AGBL1: variants seen among roughly 807,000 people sequenced by gnomAD.
The protein encoded by AGBL1 is cytosolic carboxypeptidase 4.
AGBL1 carries 130 observed loss-of-function variants against 118.9 expected under a neutral mutation model. The observed-to-expected ratio is 1.09, with a 90% CI of 0.95 to 1.26. The LOEUF (loss-of-function observed/expected upper bound fraction) is 1.26. Among genes scored for constraint, AGBL1 ranks in the 50% most tolerant of loss-of-function variants. AGBL1 has a pLI of 0.00. For synonymous variants in AGBL1, 555 were observed against 478.9 expected, an observed-to-expected ratio of 1.16 and a Z score of -2.08; for missense variants, 1,584 against 1,298.1, an observed-to-expected ratio of 1.22 and a Z score of -3.38.
At chr15:86,969,244 C>T (rs1596687913) in intron 23 of AGBL1, among the ~76,000 whole-genome samples, 1 of 151,922 alleles carries the variant, frequency 6.6e-6, no homozygotes, top group African/African-American at 2.4e-5. Flanking sequence ...CAGCTGTGGG[C>T]CAGTGAAATC....
At chr15:86,167,888 A>G (rs2077364008) in intron 5 of AGBL1, among the ~76,000 whole-genome samples, 1 of 152,234 alleles carries the variant, frequency 6.6e-6, no homozygotes, top group South Asian at 2.1e-4. Flanking sequence ...CTATGTGATC[A>G]TTAGTCATCT....
intron 10 of AGBL1, among the ~76,000 whole-genome samples, chr15:86,263,613 G>A (rs2079027957): frequency 6.6e-6 from 1 of 152,230 alleles, no homozygotes; most frequent in African/African-American, 2.4e-5. Context: ...CTTTTTGAAG[G>A]TGGACATACT....
intron 24 of AGBL1, among the ~76,000 whole-genome samples, chr15:86,989,502 C>T (rs2081317363): frequency 6.6e-6 from 1 of 152,040 alleles, no homozygotes; most frequent in South Asian, 2.1e-4. Flanking sequence ...GGGTTTCCCC[C>T]TTTTAATCTG....
At chr15:86,146,732 C>T (rs1167442517) in intron 3 of AGBL1, among the ~76,000 whole-genome samples, 2 of 152,144 alleles carry the variant, frequency 1.3e-5, no homozygotes, top group Non-Finnish European at 2.9e-5. Context: ...ATTCAAGTTG[C>T]CATGGGCTGA....
At chr15:86,445,679 T>G (rs576814991) in intron 18 of AGBL1, among the ~76,000 whole-genome samples, 76 of 152,320 alleles carry the variant, frequency 5.0e-4, no homozygotes, top group Non-Finnish European at 9.8e-4. Context: ...ATTCTGTGGA[T>G]GATTTTTCCC....
At chr15:86,436,031 G>T (rs552710467) in intron 18 of AGBL1, among the ~76,000 whole-genome samples, 9 of 150,734 alleles carry the variant, frequency 6.0e-5, no homozygotes, top group South Asian at 2.1e-4. Context: ...TCCCTAAGAT[G>T]GTACTTCAGG....
rs200334401 is a variant in AGBL1, at chr15:86,697,814, A to G, written c.3158+23378A>G. On this transcript the variant is annotated intron_variant, in intron 22 of 22. Coordinates refer to ENST00000614907, the MANE Select transcript of AGBL1 (RefSeq NM_001386094.1). ...TAATACTCTCCCCCTTTTCCTAGAGATGTGGCTTCCTGAGAGCTTAACTGT... is the reference window on the plus strand; with the variant it reads ...TAATACTCTCCCCCTTTTCCTAGAGGTGTGGCTTCCTGAGAGCTTAACTGT... Among the ~76,000 whole-genome samples, 46 of 151,770 alleles carry G rather than the reference A, an allele frequency of 3.0e-4. No homozygotes were observed. In the East Asian group the frequency reaches 8.8e-3, roughly 29 times the overall value.
intron 23 of AGBL1, among the ~76,000 whole-genome samples, chr15:86,976,818 A>G (rs1397621253): frequency 2.0e-5 from 3 of 152,036 alleles, no homozygotes; most frequent in East Asian, 1.9e-4. Context: ...TTATTCGTAT[A>G]TACGCATATT....
chr15:86,643,759 G>A (rs2085229356), intron 21 of AGBL1, among the ~76,000 whole-genome samples: 1 of 151,982 alleles, frequency 6.6e-6, no homozygotes, highest in Non-Finnish European at 1.5e-5. Context: ...AAGAATAAAA[G>A]TTATTTAATG....
chr15:86,147,085 C>G (rs969386270), intron 3 of AGBL1, among the ~76,000 whole-genome samples: 5 of 152,278 alleles, frequency 3.3e-5, no homozygotes, highest in Admixed American at 2.0e-4. Flanking sequence ...ATTTGTAACA[C>G]TAGCTGTCAG....
intron 18 of AGBL1, among the ~76,000 whole-genome samples, chr15:86,411,487 T>G (rs573885214): frequency 6.6e-6 from 1 of 152,158 alleles, no homozygotes; most frequent in Non-Finnish European, 1.5e-5. Context: ...ATAATGCAGA[T>G]CCACCTCCCC....
rs1159623708 is a variant in AGBL1 at position 86,270,016 on chromosome 15, T to A, written c.1936T>A (p.Tyr646Asn). The change falls in exon 14 of 23, where the codon TAC becomes AAC. Residue 646 changes from tyrosine to asparagine, a missense_variant. Tyr to Asn is a moderately radical substitution (Grantham distance 143, BLOSUM62 -2). Transcript: ENST00000614907. ...KVSGMQAAIP[Y>N]HFNIINCEKP... ...GAGCGGTATGCAGGCGGCCATCCCTTACCACTTCAACATCATCAACTGTGA... is the reference window on the plus strand; with the variant it reads ...GAGCGGTATGCAGGCGGCCATCCCTAACCACTTCAACATCATCAACTGTGA... The A allele has an allele frequency of 3.1e-6, 5 of 1,613,450 alleles. No individual in the cohort carries two copies.
chr15:87,018,270 A>G lies in AGBL1; in HGVS notation c.3324-10555A>G, dbSNP rs949802899. Among the ~76,000 whole-genome samples, 7 of 152,144 alleles carry G rather than the reference A, an allele frequency of 4.6e-5. No homozygotes were observed. In the South Asian group the frequency reaches 1.2e-3, roughly 27 times the overall value. On this transcript the variant is annotated intron_variant, in intron 24 of 24. Transcript: ENST00000441037. ...AAATTCTGGACCTGCAGAGAATCCC[A>G]TTAAGATGCTCCCCCAGAAGATCAA... is the stretch of plus-strand genomic sequence containing the variant.
At position 86,682,977 on chromosome 15, in the gene AGBL1, G is replaced by C. The variant is rs74530730; in HGVS notation, c.3158+8541G>C. On this transcript the variant is annotated intron_variant, in intron 22 of 22. Transcript: ENST00000614907. ...TGCCAAATGTCATGACTATATTTAA[G>C]GGACTGCACTGGCATTTGAATCTAC... 1.5e-3 allele frequency among the ~76,000 whole-genome samples: 230 copies of C among 152,238 alleles called. 1 individual carries two copies. The highest frequency in any genetic ancestry group is 5.2e-3 in the African/African-American group (214 of 41,544).
At chr15:86,290,825 T>G (rs1217297923) in intron 16 of AGBL1, among the ~76,000 whole-genome samples, 2 of 152,052 alleles carry the variant, frequency 1.3e-5, no homozygotes, top group Non-Finnish European at 2.9e-5. Context: ...TATCTCCTAA[T>G]GCCATCCCTC....
intron 21 of AGBL1, among the ~76,000 whole-genome samples, chr15:86,573,720 A>G (rs2084042327): frequency 6.6e-6 from 1 of 152,206 alleles, no homozygotes; most frequent in Admixed American, 6.5e-5. Flanking sequence ...CTTTAGGAGC[A>G]TGCTGAAATG....
intron 5 of AGBL1, among the ~76,000 whole-genome samples, chr15:86,184,222 A>C (rs2077592524): frequency 6.6e-6 from 1 of 152,212 alleles, no homozygotes. Context: ...ACAAATGTTC[A>C]TTCCAAGTAG....
At chr15:86,364,956 CACATATATATATATATATATAT>C (rs2080859329) in intron 17 of AGBL1, among the ~76,000 whole-genome samples, 1 of 89,582 alleles carries the variant, frequency 1.1e-5, no homozygotes, top group Non-Finnish European at 2.0e-5. Context: ...TTATATGTCA[CACATATATATATATATATATAT>C]ATATATATAT....
intron 23 of AGBL1, among the ~76,000 whole-genome samples, chr15:86,960,406 G>T (rs1438401762): frequency 6.6e-6 from 1 of 151,900 alleles, no homozygotes; most frequent in Non-Finnish European, 1.5e-5. Context: ...CACCACTCTT[G>T]TTTTATTTTC....
Sources: allele counts gnomAD v4.1 joint callset (sites outside exome capture counted in the v4.1 genomes callset), GRCh38; gene constraint gnomAD v4.1.1; transcripts MANE v1.5; gene names NCBI Gene and HGNC (gene_info 2026-07-23, HGNC 2026-07-21).